KNTC1: variants seen among roughly 807,000 people sequenced by gnomAD.
KNTC1 encodes kinetochore associated 1, also known as kinetochore-associated protein 1.
Under a neutral mutation model 314.4 loss-of-function variants are expected in KNTC1, and 253 were observed. The ratio of observed to expected loss-of-function variants is 0.80; its 90% CI spans 0.73 to 0.89. The LOEUF is 0.89. Among genes scored for constraint, KNTC1 ranks in the 40% least tolerant of loss-of-function variants. The probability of loss-of-function intolerance (pLI) is 0.00; values close to 1 mark genes in which losing one functional copy is unlikely to be tolerated. For synonymous variants in KNTC1, 901 were observed against 901.4 expected (o/e 1.00, Z 0.01); for missense variants, 2,475 against 2,572.9 (o/e 0.96, Z 0.82).
chr12:122,534,699 A>C lies in KNTC1; in HGVS notation c.165A>C (p.Leu55Phe). 6.2e-7 allele frequency: 1 copy of C among 1,610,806 alleles called. No individual in the cohort carries two copies. The highest frequency in any genetic ancestry group is 8.5e-7 in the Non-Finnish European group (1 of 1,177,952). Residue 55 changes from leucine to phenylalanine, a missense_variant, in exon 3 of 64, where the codon TTA becomes TTC. By Grantham distance (22) the Leu-to-Phe change is conservative. Transcript: ENST00000333479. ...SLNPKIQACS[L>F]SDGFIIVADQ... is the part of the protein sequence containing the mutation. ...ATCCAAAGATACAGGCATGCAGCTT[A>C]AGTGATGGGTTTATTATTGTAGCCG...
intron 16 of KNTC1, among the ~76,000 whole-genome samples, chr12:122,552,859 G>A (rs1018060162): frequency 6.6e-6 from 1 of 152,146 alleles, no homozygotes; most frequent in Non-Finnish European, 1.5e-5. Context: ...AGGCTGATAA[G>A]AGAGGAATAT....
At chr12:122,543,547 A>G in intron 6 of KNTC1, 53 bp from the exon 7 acceptor site, 1 of 1,241,790 alleles carries the variant, frequency 8.1e-7, no homozygotes, top group Non-Finnish European at 1.1e-6. Flanking sequence ...GGTGACTTGT[A>G]TTATTTTGTA....
chr12:122,623,766 G>C (rs1215020233), intron 62 of KNTC1, among the ~76,000 whole-genome samples: 2 of 152,016 alleles, frequency 1.3e-5, no homozygotes, highest in Non-Finnish European at 2.9e-5. Context: ...ACAAAACATT[G>C]CTCCAAAAAC....
At chr12:122,605,132 T>A in intron 50 of KNTC1, 45 bp downstream of exon 50, 2 of 1,514,016 alleles carry the variant, frequency 1.3e-6, no homozygotes. Flanking sequence ...AAGCTATTAT[T>A]TTGATTCTCA....
chr12:122,584,442 G>T lies in KNTC1; in HGVS notation c.3428G>T (p.Cys1143Phe). ...CTAGCAAGCCAAGCTGCCACCATTT[G>T]CAGTCCAGGTGACAATATTTATAAT... Reference protein sequence around the residue: ...HDLASQAATICSPDFLLDALE... With the variant: ...HDLASQAATIFSPDFLLDALE... Residue 1143 changes from cysteine to phenylalanine, a missense_variant, in exon 35 of 64, where the codon TGC (cysteine) becomes TTC (phenylalanine). Cys to Phe is a radical substitution (Grantham distance 205, BLOSUM62 -2). Transcript: ENST00000333479. The T allele has an allele frequency of 6.2e-7, 1 of 1,606,528 alleles. No homozygotes were observed. The highest frequency in any genetic ancestry group is 1.7e-5 in the Admixed American group (1 of 59,040).
At chr12:122,546,333 T>A in intron 9 of KNTC1, 64 bp downstream of exon 9, 2 of 991,026 alleles carry the variant, frequency 2.0e-6, no homozygotes, top group Non-Finnish European at 3.1e-6. Flanking sequence ...TATGTCAGTG[T>A]ACTTAGACTG....
At chr12:122,594,790 C>T (rs994263860) in intron 43 of KNTC1, among the ~76,000 whole-genome samples, 20 of 152,152 alleles carry the variant, frequency 1.3e-4, no homozygotes, top group African/African-American at 4.8e-4. Flanking sequence ...AACTAGGGAG[C>T]AAAGTAATCT....
chr12:122,538,494 C>T (rs1194384421), intron 4 of KNTC1, 40 bp downstream of exon 4: 3 of 1,089,972 alleles, frequency 2.8e-6, no homozygotes, highest in East Asian at 2.6e-5. Flanking sequence ...TATTTAAATT[C>T]TAAATAATCT....
chr12:122,590,990 A>G (rs140842230), intron 41 of KNTC1, among the ~76,000 whole-genome samples: 1 of 152,186 alleles, frequency 6.6e-6, no homozygotes, highest in Non-Finnish European at 1.5e-5. Context: ...CTCAAATCTT[A>G]TTTTGGTGTA....
intron 5 of KNTC1, 67 bp downstream of exon 5, chr12:122,539,821 G>A (rs1416038885): frequency 5.6e-6 from 6 of 1,080,098 alleles, no homozygotes; most frequent in East Asian, 5.4e-5. Context: ...TCCCTTTGTC[G>A]CCCAGGCTGG....
rs752222485 is a variant in KNTC1, at chr12:122,584,275, A to G, written c.3264-3A>G. On this transcript the variant is annotated splice_region_variant and splice_polypyrimidine_tract_variant and intron_variant, in intron 34 of 63. Transcript: ENST00000333479. The stretch of plus-strand genomic sequence containing the variant: ...AACTACCAATACTTTCTTTCTTCCA[A>G]AGCGACTTGTTTAAGTATCACTGCA... The G allele has an allele frequency of 5.6e-6, 9 of 1,601,208 alleles. No homozygotes were observed. Among genetic ancestry groups the G allele is most frequent in the South Asian group, 5.6e-5 (5 of 89,480 alleles).
Position 122,626,239 on chromosome 12 carries a change from CTT to C in KNTC1, c.*17_*18del. 1 of 1,578,042 alleles carries C rather than the reference CTT, an allele frequency of 6.3e-7. No homozygotes were observed. The highest frequency in any genetic ancestry group is 1.7e-4 in the Middle Eastern group (1 of 6,000). On this transcript the variant is annotated 3_prime_UTR_variant, in exon 64 of 64. Coordinates refer to ENST00000333479, the MANE Select transcript of KNTC1 (RefSeq NM_014708.6). ...AGTGGATTATCGTAAATCACTGAACCTTTTTTTCAAGAAGGACAAGAATTTTG... is the reference window on the plus strand; with the variant it reads ...AGTGGATTATCGTAAATCACTGAACCTTTTTCAAGAAGGACAAGAATTTTG...
intron 50 of KNTC1, 67 bp from the exon 51 acceptor site, chr12:122,605,239 A>G (rs1872460692): frequency 8.0e-6 from 9 of 1,128,644 alleles, no homozygotes; most frequent in Non-Finnish European, 1.0e-5. Context: ...ATACACATAC[A>G]CATATAAGTA....
intron 13 of KNTC1, 64 bp downstream of exon 13, chr12:122,549,928 A>T: frequency 1.2e-6 from 1 of 858,910 alleles, no homozygotes; most frequent in Non-Finnish European, 1.9e-6. Flanking sequence ...GTATCTAATC[A>T]GGGATGATTA....
chr12:122,570,921 T>G lies in KNTC1; in HGVS notation c.1906T>G (p.Leu636Val). 2 of 1,570,724 alleles carry G rather than the reference T, an allele frequency of 1.3e-6. No individual in the cohort carries two copies. Among genetic ancestry groups the G allele is most frequent in the Non-Finnish European group, 8.7e-7 (1 of 1,154,716 alleles). The change falls in exon 23 of 64, where the codon TTA (leucine) becomes GTA (valine). Residue 636 changes from leucine (L) to valine (V), a missense_variant. Leu to Val is a conservative substitution (Grantham distance 32, BLOSUM62 1). Transcript: ENST00000333479. ...WLEQAARNLE[L>V]TDKANWPENG... ...GGAACAAGCAGCCAGGAACCTTGAA[T>G]TAACTGATAAGGTAATACTGATTTA... is the stretch of plus-strand genomic sequence containing the variant.
rs769392371 is a variant in KNTC1, at chr12:122,546,286, A to C, written c.763+17A>C. 2 of 1,391,012 alleles carry C rather than the reference A, an allele frequency of 1.4e-6. No individual in the cohort carries two copies. The highest frequency in any genetic ancestry group is 2.0e-6 in the Non-Finnish European group (2 of 980,806). The allele number at this position is 1,391,012 out of a possible 1,614,324, so 86.2% of individuals were successfully genotyped here. On this transcript the variant is annotated intron_variant, in intron 9 of 63. Coordinates refer to ENST00000333479, the MANE Select transcript of KNTC1 (RefSeq NM_014708.6). ...TTATTAAAGGTAAAATAAGTTAATG[A>C]AACTACTTTAGACAATTATTAGTGA... is the stretch of plus-strand genomic sequence containing the variant.
At chr12:122,621,022 A>G (rs1215156396) in intron 60 of KNTC1, among the ~76,000 whole-genome samples, 2 of 152,212 alleles carry the variant, frequency 1.3e-5, no homozygotes, top group African/African-American at 4.8e-5. Flanking sequence ...GTGCATAGGC[A>G]GGGAAGGCTT....
chr12:122,544,154 T>C lies in KNTC1; in HGVS notation c.559-5T>C, dbSNP rs754761534. 1 of 1,286,348 alleles carries C rather than the reference T, an allele frequency of 7.8e-7. No individual in the cohort carries two copies. Among genetic ancestry groups the C allele is most frequent in the Admixed American group, 2.3e-5 (1 of 43,936 alleles). 79.7% of individuals were successfully genotyped at this position (1,286,348 alleles called of 1,614,324 possible). ...TATATGACGTTGTTGTTTTTAATTT[T>C]GCAGTTACAAGGACAAATCAAGTCC... On this transcript the variant is annotated splice_region_variant and splice_polypyrimidine_tract_variant and intron_variant, in intron 7 of 63. Transcript: ENST00000333479.
chr12:122,604,676 CTAAT>C, intron 49 of KNTC1, 39 bp downstream of exon 49: 1 of 1,413,146 alleles, frequency 7.1e-7, no homozygotes, highest in African/African-American at 1.4e-5. Flanking sequence ...TCTCTTCTTC[CTAAT>C]TAAATTGTAC....
Sources: gnomAD v4.1 joint callset for allele counts (sites outside exome capture counted in the v4.1 genomes callset) on GRCh38, gnomAD v4.1.1 for gene constraint, MANE v1.5 for transcripts, NCBI Gene and HGNC (gene_info 2026-07-23, HGNC 2026-07-21) for gene names.